TAB2: variants seen among roughly 807,000 people sequenced by gnomAD.
TAB2 encodes TGF-beta-activated kinase 1 and MAP3K7-binding protein 2.
A neutral mutation model predicts 65.0 loss-of-function variants in TAB2; 3 were observed. The ratio of observed to expected loss-of-function variants is 0.05; its 90% CI spans 0.02 to 0.12. The LOEUF is 0.12. Among genes scored for constraint, TAB2 ranks in the 10% least tolerant of loss-of-function variants. The pLI is 1.00. For synonymous variants in TAB2, 298 were observed against 285.1 expected (o/e 1.05, Z -0.46); for missense variants, 623 against 840.3 (o/e 0.74, Z 3.20).
intron 1 of TAB2, among the ~76,000 whole-genome samples, chr6:149,307,451 C>T (rs1368421906): frequency 6.6e-6 from 1 of 152,170 alleles, no homozygotes; most frequent in African/African-American, 2.4e-5. Context: ...CACCCCCACC[C>T]CTGCCAAGGA....
chr6:149,391,948 G>C lies in TAB2; in HGVS notation c.1604-5656G>C, dbSNP rs1782001722. Among the ~76,000 whole-genome samples the C allele has an allele frequency of 2.0e-5, 3 of 152,110 alleles. No homozygotes were observed. In the South Asian group the frequency reaches 6.2e-4, roughly 32 times the overall value. On this transcript the variant is annotated intron_variant, in intron 3 of 6. Coordinates refer to ENST00000637181, the MANE Select transcript of TAB2 (RefSeq NM_001292034.3). ...TGATGTTTTTAATTTCCAAGAGCTAGTTCTCTGATTCCTTTTCGAGGAAGG... is the reference window on the plus strand; with the variant it reads ...TGATGTTTTTAATTTCCAAGAGCTACTTCTCTGATTCCTTTTCGAGGAAGG...
chr6:149,223,776 C>T (rs1437484160), intron 1 of TAB2, among the ~76,000 whole-genome samples: 3 of 152,126 alleles, frequency 2.0e-5, no homozygotes, highest in Admixed American at 6.5e-5. Flanking sequence ...ACATGTAATT[C>T]CATTTTTTAT....
chr6:149,354,210 T>C (rs2114813704), intron 1 of TAB2, among the ~76,000 whole-genome samples: 1 of 152,344 alleles, frequency 6.6e-6, no homozygotes, highest in Non-Finnish European at 1.5e-5. Context: ...TCTGTATGCC[T>C]TCTTATGTTA....
chr6:149,298,484 C>T (rs565746493), intron 1 of TAB2, among the ~76,000 whole-genome samples: 79 of 152,104 alleles, frequency 5.2e-4, no homozygotes, highest in African/African-American at 1.9e-3. Flanking sequence ...AAAACTTAAC[C>T]AGGCGTGGTA....
chr6:149,258,779 T>C (rs1447544346), intron 1 of TAB2, among the ~76,000 whole-genome samples: 1 of 152,186 alleles, frequency 6.6e-6, no homozygotes, highest in African/African-American at 2.4e-5. Flanking sequence ...TGTGAATACA[T>C]CATGTGACAT....
chr6:149,276,857 T>C (rs1778483341), intron 1 of TAB2, among the ~76,000 whole-genome samples: 1 of 152,216 alleles, frequency 6.6e-6, no homozygotes, highest in Non-Finnish European at 1.5e-5. Context: ...TTTGGCTGTG[T>C]CCCCACCCAA....
chr6:149,351,668 AAAAAT>A (rs1434940667), intron 1 of TAB2, among the ~76,000 whole-genome samples: 1 of 152,234 alleles, frequency 6.6e-6, no homozygotes, highest in Non-Finnish European at 1.5e-5. Context: ...TGAGGCACAG[AAAAAT>A]TAAATGATTT....
intron 1 of TAB2, among the ~76,000 whole-genome samples, chr6:149,356,914 C>T (rs1780671703): frequency 6.6e-6 from 1 of 152,106 alleles, no homozygotes; most frequent in East Asian, 1.9e-4. Flanking sequence ...TTCACCTATC[C>T]ATAGAATTTT....
At chr6:149,299,547 G>A (rs1778935162) in intron 1 of TAB2, among the ~76,000 whole-genome samples, 1 of 152,200 alleles carries the variant, frequency 6.6e-6, no homozygotes, top group South Asian at 2.1e-4. Context: ...ACTCCAGCCT[G>A]AGTGACAGAG....
chr6:149,403,341 C>CACACACATATATATACATATATAT (rs1782545204), intron 6 of TAB2, among the ~76,000 whole-genome samples: 3 of 3,374 alleles, frequency 8.9e-4, no homozygotes. Context: ...CATATATATA[C>CACACACATATATATACATATATAT]ACACACACAC....
chr6:149,251,130 G>C (rs983584377), intron 1 of TAB2, among the ~76,000 whole-genome samples: 1 of 152,142 alleles, frequency 6.6e-6, no homozygotes, highest in Non-Finnish European at 1.5e-5. Flanking sequence ...CTTTTGCCGG[G>C]TGCCTCCTGG....
intron 2 of TAB2, 97 bp from the exon 3 acceptor site, chr6:149,377,921 A>G (rs1781457671): frequency 1.1e-6 from 1 of 901,220 alleles, no homozygotes; most frequent in Non-Finnish European, 1.8e-6. Context: ...TTATAATTGT[A>G]TTAGCCAGTC....
At chr6:149,234,303 T>C (rs1391912642) in intron 1 of TAB2, among the ~76,000 whole-genome samples, 1 of 152,210 alleles carries the variant, frequency 6.6e-6, no homozygotes, top group Non-Finnish European at 1.5e-5. Flanking sequence ...TCGGATGTTT[T>C]AAATCAGAAT....
chr6:149,350,106 A>G (rs891933983), intron 1 of TAB2, among the ~76,000 whole-genome samples: 3 of 151,994 alleles, frequency 2.0e-5, no homozygotes, highest in South Asian at 4.2e-4. Flanking sequence ...TAATTTTTGT[A>G]TTTTTAGTAG....
At chr6:149,302,021 C>T (rs988059067) in intron 1 of TAB2, among the ~76,000 whole-genome samples, 13 of 151,998 alleles carry the variant, frequency 8.6e-5, no homozygotes, top group Non-Finnish European at 1.6e-4. Flanking sequence ...AAAATCACTT[C>T]GGCAGATACA....
intron 1 of TAB2, among the ~76,000 whole-genome samples, chr6:149,285,018 C>T (rs1778645052): frequency 6.6e-6 from 1 of 152,132 alleles, no homozygotes; most frequent in African/African-American, 2.4e-5. Context: ...GGCACTGTCA[C>T]ATAGAAATGA....
At chr6:149,298,590 G>T (rs1441646952) in intron 1 of TAB2, among the ~76,000 whole-genome samples, 3 of 152,124 alleles carry the variant, frequency 2.0e-5, no homozygotes, top group Non-Finnish European at 2.9e-5. Context: ...CACAATGACA[G>T]AGAGAGACCC....
At position 149,378,037 on chromosome 6, in the gene TAB2, C is replaced by T. The variant is rs1401851764; in HGVS notation, c.122C>T (p.Ala41Val). Reference sequence around the variant, plus strand: ...TCATAGAATAATAATAACCTGGATGCCTGCTGTGCTGTTCTCTCTCAGGAG... The same window carrying T: ...TCATAGAATAATAATAACCTGGATGTCTGCTGTGCTGTTCTCTCTCAGGAG... ...CMLQNNNNLD[A>V]CCAVLSQEST... The change falls in exon 3 of 7, where the codon GCC (alanine) becomes GTC (valine). Residue 41 changes from alanine to valine, a missense_variant. Ala to Val is a moderately conservative substitution (Grantham distance 64). This residue lies in a region of TAB2 where 550 missense variants were observed against 665.7 expected (regional missense o/e 0.83). Coordinates refer to ENST00000637181, the MANE Select transcript of TAB2 (RefSeq NM_001292034.3). 1 of 1,613,722 alleles carries T rather than the reference C, an allele frequency of 6.2e-7. No individual in the cohort carries two copies. The highest frequency in any genetic ancestry group is 8.5e-7 in the Non-Finnish European group (1 of 1,179,818).
intron 3 of TAB2, among the ~76,000 whole-genome samples, chr6:149,392,919 T>C (rs775294600): frequency 1.1e-4 from 16 of 152,090 alleles, no homozygotes; most frequent in Non-Finnish European, 2.1e-4. Flanking sequence ...TTTTGTAAAC[T>C]CAAGGTTAAA....
Sources: gnomAD v4.1 joint callset for allele counts (sites outside exome capture counted in the v4.1 genomes callset) on GRCh38, gnomAD v4.1.1 for gene constraint, gnomAD v4.1.1 regional missense constraint, MANE v1.5 for transcripts, NCBI Gene and HGNC (gene_info 2026-07-23, HGNC 2026-07-21) for gene names.